The following PLPPR4 variants were observed in gnomAD, a reference collection of about 807,000 sequenced individuals.
PLPPR4 encodes the protein phospholipid phosphatase related 4.
In PLPPR4, 24 loss-of-function variants were observed where a neutral mutation model predicts 56.6. That is an observed-to-expected ratio of 0.42 (90% CI 0.31 to 0.60). The LOEUF is 0.60. Ranked by LOEUF, PLPPR4 falls within the 20% of genes least tolerant of loss-of-function variation. The pLI, the probability that PLPPR4 is intolerant of heterozygous loss-of-function variation, is 0.13. For synonymous variants in PLPPR4, 326 were observed against 328.1 expected, an observed-to-expected ratio of 0.99 and a Z score of 0.07; for missense variants, 654 against 885.8, an observed-to-expected ratio of 0.74 and a Z score of 3.32.
At position 99,306,607 on chromosome 1, in the gene PLPPR4, A is replaced by G. The variant is rs1351957004; in HGVS notation, c.1745A>G (p.Asn582Ser). The change falls in exon 7 of 7, where the codon AAC becomes AGC. Residue 582 changes from asparagine (N) to serine (S), a missense_variant. Transcript: ENST00000370185. This position sits in a 1 kb window ranked among gnomAD's most constrained non-coding sequence, Gnocchi z 4.0. ...AGGGTTGAGGCTCACCCAGAGAACA[A>G]CAGGCCCATCATACAGATCCCGTCC... The part of the protein sequence containing the change: ...IVRVEAHPEN[N>S]RPIIQIPSTE... The G allele has an allele frequency of 1.2e-6, 2 of 1,614,144 alleles. No individual in the cohort carries two copies. Among genetic ancestry groups the G allele is most frequent in the East Asian group, 4.5e-5 (2 of 44,850 alleles).
intron 1 of PLPPR4, among the ~76,000 whole-genome samples, chr1:99,280,943 A>T (rs912426498): frequency 6.6e-5 from 10 of 152,186 alleles, no homozygotes; most frequent in Admixed American, 5.2e-4. Context: ...TTTGTTATTA[A>T]TGGGGCACCA....
chr1:99,307,107 G>T lies in PLPPR4; in HGVS notation c.*97G>T. 1 of 1,427,058 alleles carries T rather than the reference G, an allele frequency of 7.0e-7. No individual in the cohort carries two copies. The highest frequency in any genetic ancestry group is 9.4e-7 in the Non-Finnish European group (1 of 1,063,294). The allele number at this position is 1,427,058 out of a possible 1,614,324, so 88.4% of individuals were successfully genotyped here. On this transcript the variant is annotated 3_prime_UTR_variant, in exon 7 of 7. Transcript: ENST00000370185. Reference sequence around the variant, plus strand: ...CGAATTGGGAAGTCTCACCAAGCTAGATTGTCTACCATCAGCCCAGAACTC... The same window carrying T: ...CGAATTGGGAAGTCTCACCAAGCTATATTGTCTACCATCAGCCCAGAACTC...
upstream of PLPPR4, among the ~76,000 whole-genome samples, chr1:99,263,686 G>A (rs993364354): frequency 6.6e-6 from 1 of 152,000 alleles, no homozygotes; most frequent in Non-Finnish European, 1.5e-5. Flanking sequence ...ACAAGATGAA[G>A]GACTTTAGAT....
chr1:99,300,196 G>A (rs1403460669), intron 4 of PLPPR4, among the ~76,000 whole-genome samples: 1 of 151,824 alleles, frequency 6.6e-6, no homozygotes, highest in Non-Finnish European at 1.5e-5. Context: ...TAATTAGGAA[G>A]GCACTAATTT....
chr1:99,291,415 C>A (rs1002426118), intron 2 of PLPPR4, among the ~76,000 whole-genome samples: 6 of 152,144 alleles, frequency 3.9e-5, no homozygotes, highest in African/African-American at 1.4e-4. Context: ...CCCACCAATC[C>A]CATTACTGGG....
At chr1:99,288,983 CA>C in intron 2 of PLPPR4, among the ~76,000 whole-genome samples, 1 of 152,104 alleles carries the variant, frequency 6.6e-6, no homozygotes, top group South Asian at 2.1e-4. Context: ...GAACTGAATT[CA>C]AAACATAGTT....
In PLPPR4 at chr1:99,305,692, A is replaced by T. The variant is rs770895863; in HGVS notation, c.830A>T (p.Tyr277Phe). The change falls in exon 7 of 7, where the codon TAT (tyrosine) becomes TTT (phenylalanine). Residue 277 changes from tyrosine (Y) to phenylalanine (F), a missense_variant. Tyr to Phe is a conservative substitution (Grantham distance 22, BLOSUM62 3). This residue lies in a region of PLPPR4 where 468 missense variants were observed against 554.3 expected (regional missense o/e 0.84). Coordinates refer to ENST00000370185, the MANE Select transcript of PLPPR4 (RefSeq NM_014839.5). Reference sequence around the variant, plus strand: ...CTTTCTCTCAAACACTAGGGCTTGTATGCTGTGGGGAATTTCCTGCCCAGT... The same window carrying T: ...CTTTCTCTCAAACACTAGGGCTTGTTTGCTGTGGGGAATTTCCTGCCCAGT... ...GGGIALYLGL[Y>F]AVGNFLPSDE... 6.2e-7 allele frequency: 1 copy of T among 1,612,424 alleles called. No homozygotes were observed. Among genetic ancestry groups the T allele is most frequent in the East Asian group, 2.2e-5 (1 of 44,868 alleles).
chr1:99,292,373 T>G (rs1659644363), intron 2 of PLPPR4, among the ~76,000 whole-genome samples: 1 of 152,216 alleles, frequency 6.6e-6, no homozygotes, highest in Non-Finnish European at 1.5e-5. Context: ...TTTGAGATGC[T>G]TTCTGAGAGA....
At chr1:99,295,715 G>A (rs1205976036) in intron 2 of PLPPR4, among the ~76,000 whole-genome samples, 2 of 152,072 alleles carry the variant, frequency 1.3e-5, no homozygotes, top group Non-Finnish European at 2.9e-5. Context: ...ACAACCCAAC[G>A]GCCTAAGGTA....
intron 4 of PLPPR4, among the ~76,000 whole-genome samples, chr1:99,299,644 A>T (rs2100807913): frequency 6.6e-6 from 1 of 151,932 alleles, no homozygotes; most frequent in East Asian, 1.9e-4. Context: ...CATAAAAAAA[A>T]TGTGAATTTT....
upstream of PLPPR4, among the ~76,000 whole-genome samples, chr1:99,263,212 T>G (rs1367501847): frequency 6.6e-6 from 1 of 152,254 alleles, no homozygotes; most frequent in East Asian, 1.9e-4. Context: ...GGTTGTGTGT[T>G]TTTCTCCAGC....
rs186496194 is a variant in PLPPR4 at position 99,279,597 on chromosome 1, G to T, written c.79-8368G>T. On this transcript the variant is annotated intron_variant, in intron 1 of 6. Coordinates refer to ENST00000370185, the MANE Select transcript of PLPPR4 (RefSeq NM_014839.5). ...ACCCCTTGACACATGGCCATCTCTC[G>T]CCTTGTGTCCTTTAAACTGGCAATC... Among the ~76,000 whole-genome samples, 3 of 152,202 alleles carry T rather than the reference G, an allele frequency of 2.0e-5. 1 individual carries two copies. In the South Asian group the frequency reaches 6.2e-4, roughly 32 times the overall value.
intron 1 of PLPPR4, among the ~76,000 whole-genome samples, chr1:99,277,872 A>G (rs182519582): frequency 6.6e-6 from 1 of 152,118 alleles, no homozygotes; most frequent in East Asian, 1.9e-4. Flanking sequence ...AAGATCGCTC[A>G]TGTAGAAGTT....
chr1:99,301,067 A>G, intron 5 of PLPPR4, 101 bp downstream of exon 5: 1 of 1,036,090 alleles, frequency 9.7e-7, no homozygotes, highest in Admixed American at 1.9e-5. Context: ...CCATGTAATA[A>G]CAGAATGGTA....
At chr1:99,278,066 ACTAT>A (rs1659235925) in intron 1 of PLPPR4, among the ~76,000 whole-genome samples, 2 of 152,068 alleles carry the variant, frequency 1.3e-5, no homozygotes. Context: ...GGTAGCATTA[ACTAT>A]CTATAAAAAG....
chr1:99,266,510 T>C (rs1245366798), intron 1 of PLPPR4, among the ~76,000 whole-genome samples: 1 of 152,266 alleles, frequency 6.6e-6, no homozygotes, highest in Non-Finnish European at 1.5e-5. Context: ...ATAATGCAAT[T>C]GAATTGTGTG....
In PLPPR4 at chr1:99,307,047, G is replaced by T; in HGVS notation, c.*37G>T. The T allele has an allele frequency of 6.5e-7, 1 of 1,542,264 alleles. No homozygotes were observed. Among genetic ancestry groups the T allele is most frequent in the East Asian group, 2.3e-5 (1 of 44,424 alleles). ...TCCATCATTAGGGCTACTCGCAAAA[G>T]ACCATATGTTGATTCTACCTGTGTT... On this transcript the variant is annotated 3_prime_UTR_variant, in exon 7 of 7. Coordinates refer to ENST00000370185, the MANE Select transcript of PLPPR4 (RefSeq NM_014839.5).
At chr1:99,267,790 T>C (rs972749092) in intron 1 of PLPPR4, among the ~76,000 whole-genome samples, 2 of 152,204 alleles carry the variant, frequency 1.3e-5, no homozygotes, top group African/African-American at 4.8e-5. Flanking sequence ...ACAGGCTTCT[T>C]GAAATGGACT....
intron 1 of PLPPR4, among the ~76,000 whole-genome samples, chr1:99,277,418 A>G (rs140295410): frequency 6.6e-6 from 1 of 152,278 alleles, no homozygotes; most frequent in Non-Finnish European, 1.5e-5. Flanking sequence ...TGAGAGGTCT[A>G]TGTTGTTGGC....
Sources: gnomAD v4.1 joint callset for allele counts (sites outside exome capture counted in the v4.1 genomes callset) on GRCh38, gnomAD v4.1.1 for gene constraint, gnomAD v4.1.1 regional missense constraint, Gnocchi (gnomAD v3.1) non-coding constraint, MANE v1.5 for transcripts, NCBI Gene and HGNC (gene_info 2026-07-23, HGNC 2026-07-21) for gene names.